The following RFC3 variants were observed in gnomAD, a reference collection of about 807,000 sequenced individuals.
RFC3 encodes A1 38 kDa subunit.
RFC3 carries 41 observed loss-of-function variants against 45.1 expected under a neutral mutation model. The observed-to-expected ratio is 0.91, with a 90% CI of 0.71 to 1.18. The LOEUF (loss-of-function observed/expected upper bound fraction) is 1.18, where lower values mean the gene tolerates loss of function less well. Ranked by LOEUF, RFC3 falls within the 50% of genes most tolerant of loss-of-function variation. The pLI is 0.00. For missense variants in RFC3, 423 were observed against 428.1 expected (o/e 0.99, Z 0.10); for synonymous variants, 149 against 144.0 (o/e 1.03, Z -0.25).
intron 8 of RFC3, chr13:33,835,534 A>G: frequency 1.9e-6 from 1 of 513,486 alleles, no homozygotes; most frequent in Non-Finnish European, 3.7e-6. Context: ...GTGGGGCTAC[A>G]AAGAAAAAAG....
Position 33,831,357 on chromosome 13 carries a change from AC to A in RFC3, c.809+5del. The A allele has an allele frequency of 6.5e-7, 1 of 1,527,960 alleles. No individual in the cohort carries two copies. The allele number at this position is 1,527,960 out of a possible 1,614,324, so 94.7% of individuals were successfully genotyped here. A position where few individuals can be genotyped will look rare whatever the true frequency, so the allele number is the denominator to read the frequency against. On this transcript the variant is annotated splice_donor_region_variant and intron_variant, in intron 7 of 8. Transcript: ENST00000380071. ...GTCAGTCAGCAAACTCCACAAAGGTACCAGTATAAAATGATGACAGTAAAGC... is the reference window on the plus strand; with the variant it reads ...GTCAGTCAGCAAACTCCACAAAGGTACAGTATAAAATGATGACAGTAAAGC...
intron 8 of RFC3, among the ~76,000 whole-genome samples, chr13:33,888,541 A>G (rs1052447653): frequency 3.9e-5 from 6 of 152,218 alleles, no homozygotes; most frequent in Non-Finnish European, 8.8e-5. Flanking sequence ...GATACAATGA[A>G]TGATATTCCT....
rs969711796 is a variant in RFC3 at position 33,928,836 on chromosome 13, G to A, written c.880-37251G>A. Among the ~76,000 whole-genome samples the A allele has an allele frequency of 2.4e-4, 37 of 151,536 alleles. No individual in the cohort carries two copies. In the East Asian group the frequency reaches 2.5e-3, roughly 10 times the overall value. Reference sequence around the variant, plus strand: ...TTTGAATGAAGAGAACCAATGTCTGGGGGGGGAAGTGAAAACTATCTGAAA... The same window carrying A: ...TTTGAATGAAGAGAACCAATGTCTGAGGGGGGAAGTGAAAACTATCTGAAA... On this transcript the variant is annotated intron_variant, in intron 8 of 8. Transcript: ENST00000434425.
intron 8 of RFC3, among the ~76,000 whole-genome samples, chr13:33,926,586 G>T (rs543953565): frequency 6.6e-6 from 1 of 152,014 alleles, no homozygotes; most frequent in Admixed American, 6.6e-5. Flanking sequence ...TTTACTGTAA[G>T]TTTTACTTTA....
intron 8 of RFC3, among the ~76,000 whole-genome samples, chr13:33,886,040 G>A (rs1197079193): frequency 7.0e-6 from 1 of 142,096 alleles, no homozygotes; most frequent in Non-Finnish European, 1.6e-5. Context: ...GCTTAAAAAA[G>A]ACATTCAAGG....
intron 8 of RFC3, among the ~76,000 whole-genome samples, chr13:33,925,520 C>G: frequency 7.0e-6 from 1 of 143,376 alleles, no homozygotes; most frequent in East Asian, 2.0e-4. Context: ...ACATAGTGTA[C>G]TATATACATA....
chr13:33,958,035 G>C (rs2083032748), intron 8 of RFC3, among the ~76,000 whole-genome samples: 1 of 152,058 alleles, frequency 6.6e-6, no homozygotes, highest in Non-Finnish European at 1.5e-5. Context: ...AACAAAATTA[G>C]ACTCCAAATT....
At chr13:33,851,356 C>T (rs1262958528) in intron 8 of RFC3, among the ~76,000 whole-genome samples, 1 of 152,086 alleles carries the variant, frequency 6.6e-6, no homozygotes, top group Admixed American at 6.6e-5. Flanking sequence ...TTGACTCCCC[C>T]AAACTTAATA....
intron 8 of RFC3, among the ~76,000 whole-genome samples, chr13:33,916,781 T>A (rs2082736363): frequency 6.7e-6 from 1 of 148,640 alleles, no homozygotes. Flanking sequence ...CATACACATA[T>A]ATACATGTAT....
intron 7 of RFC3, among the ~76,000 whole-genome samples, chr13:33,833,635 C>G (rs2082123868): frequency 6.6e-6 from 1 of 152,128 alleles, no homozygotes; most frequent in Non-Finnish European, 1.5e-5. Context: ...ATAGTTACTT[C>G]AATTGTATAG....
In RFC3 at chr13:33,830,792, C is replaced by T. The variant is rs1391058592; in HGVS notation, c.647C>T (p.Ala216Val). The change falls in exon 6 of 9, where the codon GCA (alanine) becomes GTA (valine). Residue 216 changes from alanine (A) to valine (V), a missense_variant. By Grantham distance (64) the Ala-to-Val change is moderately conservative. Coordinates refer to ENST00000380071, the MANE Select transcript of RFC3 (RefSeq NM_002915.4). The stretch of plus-strand genomic sequence containing the variant: ...CCTTCACAACTGGCTCATAGACTTG[C>T]AGAGAAGTCTTGTAGAAATCTCAGA... ...NLPSQLAHRL[A>V]EKSCRNLRKA... 1 of 1,612,240 alleles carries T rather than the reference C, an allele frequency of 6.2e-7. No homozygotes were observed. The highest frequency in any genetic ancestry group is 2.2e-5 in the East Asian group (1 of 44,854).
rs185163628 is a variant in RFC3, at chr13:33,836,862, G to A, written c.*567G>A. The A allele has an allele frequency of 1.4e-4, 133 of 984,176 alleles. No individual in the cohort carries two copies. The highest frequency in any genetic ancestry group is 1.5e-4 in the Non-Finnish European group (122 of 828,976). The allele number at this position is 984,176 out of a possible 1,614,324, so 61.0% of individuals were successfully genotyped here. On this transcript the variant is annotated 3_prime_UTR_variant, in exon 9 of 9. Coordinates refer to ENST00000380071, the MANE Select transcript of RFC3 (RefSeq NM_002915.4). ...TTTCAGTGGTTCAGATTAGTATTAG[G>A]TCGGTACTAAGAAATAAGCATGTTT...
At chr13:33,938,886 A>G (rs1018427625) in intron 8 of RFC3, among the ~76,000 whole-genome samples, 1 of 152,222 alleles carries the variant, frequency 6.6e-6, no homozygotes, top group African/African-American at 2.4e-5. Context: ...CTGGCAGTGT[A>G]ATAAGCTCTT....
intron 8 of RFC3, among the ~76,000 whole-genome samples, chr13:33,910,253 A>G (rs1474932572): frequency 2.0e-5 from 3 of 152,210 alleles, no homozygotes; most frequent in African/African-American, 7.2e-5. Context: ...ATAAGGACTA[A>G]AAATTTGGAC....
intron 7 of RFC3, among the ~76,000 whole-genome samples, chr13:33,833,434 TAGAG>T (rs920837278): frequency 3.9e-5 from 6 of 152,210 alleles, no homozygotes; most frequent in Non-Finnish European, 8.8e-5. Context: ...ATTATTATAA[TAGAG>T]ACAGTTCTAG....
In RFC3 at chr13:33,872,792, A is replaced by ACCCC. The variant is rs11382058; in HGVS notation, c.879+37583_879+37586dup. Among the ~76,000 whole-genome samples the ACCCC allele has an allele frequency of 2.1e-3, 202 of 97,484 alleles. 8 individuals carry two copies. Among genetic ancestry groups the ACCCC allele is most frequent in the African/African-American group, 7.5e-3 (184 of 24,564 alleles). 64.0% of individuals were successfully genotyped at this position (97,484 alleles called of 152,430 possible). On this transcript the variant is annotated intron_variant, in intron 8 of 8. Coordinates refer to the RFC3 transcript ENST00000434425. ...CAGAACAAAAAAAGAAAGAAACCAA[A>ACCCC]CCCCCCCCCCCAAAATACATGGTAG...
At chr13:33,908,286 A>T (rs1207784534) in intron 8 of RFC3, among the ~76,000 whole-genome samples, 2 of 151,954 alleles carry the variant, frequency 1.3e-5, no homozygotes, top group Non-Finnish European at 2.9e-5. Flanking sequence ...GAGGTTCAGC[A>T]TTTGGAAACC....
chr13:33,836,680 ATGAT>A lies in RFC3; in HGVS notation c.*388_*391del, dbSNP rs1337245501. ...ATGACCATTTTCTGCCACAGGTAAC[ATGAT>A]TGTTTGACACACCATTATATTTAAT... is the stretch of plus-strand genomic sequence containing the variant. On this transcript the variant is annotated 3_prime_UTR_variant, in exon 9 of 9. Transcript: ENST00000380071. 2 of 989,396 alleles carry A rather than the reference ATGAT, an allele frequency of 2.0e-6. No homozygotes were observed. The highest frequency in any genetic ancestry group is 3.5e-5 in the African/African-American group (2 of 57,380). 61.3% of individuals were successfully genotyped at this position (989,396 alleles called of 1,614,324 possible).
chr13:33,855,040 G>A (rs1378818663), intron 8 of RFC3, among the ~76,000 whole-genome samples: 3 of 151,988 alleles, frequency 2.0e-5, no homozygotes, highest in African/African-American at 4.8e-5. Context: ...ATCGACTAGC[G>A]ACAAATGAGC....
Sources: allele counts gnomAD v4.1 joint callset (sites outside exome capture counted in the v4.1 genomes callset), GRCh38; gene constraint gnomAD v4.1.1; transcripts MANE v1.5; gene names NCBI Gene and HGNC (gene_info 2026-07-23, HGNC 2026-07-21).